The following GSK3B variants were observed in gnomAD, a reference collection of about 807,000 sequenced individuals.
The protein encoded by GSK3B is glycogen synthase kinase-3 beta.
In GSK3B, 15 loss-of-function variants were observed where a neutral mutation model predicts 56.4. That is an observed-to-expected ratio of 0.27 (90% confidence interval 0.18 to 0.41). The LOEUF (loss-of-function observed/expected upper bound fraction) is 0.41, where lower values mean the gene tolerates loss of function less well. Among genes scored for constraint, GSK3B ranks in the 10% least tolerant of loss-of-function variants. The pLI is 1.00. For synonymous variants in GSK3B, 181 were observed against 188.9 expected (o/e 0.96, Z 0.34); for missense variants, 300 against 513.4 (o/e 0.58, Z 4.02).
intron 7 of GSK3B, among the ~76,000 whole-genome samples, chr3:119,891,731 T>C (rs534217183): frequency 6.6e-6 from 1 of 152,274 alleles, no homozygotes; most frequent in East Asian, 1.9e-4. Context: ...ATGGAAATGC[T>C]TTATGCACTC....
At chr3:120,071,283 A>G (rs1007334112) in intron 1 of GSK3B, among the ~76,000 whole-genome samples, 8 of 152,208 alleles carry the variant, frequency 5.3e-5, no homozygotes, top group Admixed American at 2.0e-4. Context: ...TCTACTATCT[A>G]GTTCCCATCT....
intron 1 of GSK3B, among the ~76,000 whole-genome samples, chr3:120,023,166 C>T (rs1270945341): frequency 6.6e-6 from 1 of 150,906 alleles, no homozygotes; most frequent in South Asian, 2.1e-4. Context: ...CTTTTTTATA[C>T]CATACCTCTA....
chr3:120,004,934 A>G (rs2057712371), intron 1 of GSK3B, among the ~76,000 whole-genome samples: 1 of 152,172 alleles, frequency 6.6e-6, no homozygotes, highest in Admixed American at 6.5e-5. Context: ...GTTTGACAAG[A>G]TGACAGAAGT....
intron 7 of GSK3B, among the ~76,000 whole-genome samples, chr3:119,878,573 T>C (rs1210098214): frequency 1.3e-5 from 2 of 152,142 alleles, no homozygotes; most frequent in African/African-American, 2.4e-5. Context: ...GTTAAACATA[T>C]ACATATCATA....
intron 2 of GSK3B, among the ~76,000 whole-genome samples, chr3:119,969,279 A>T (rs2057345082): frequency 6.6e-6 from 1 of 151,380 alleles, no homozygotes; most frequent in Admixed American, 6.6e-5. Context: ...GTGACAAAGC[A>T]AGACTCCATC....
At chr3:119,927,004 G>A (rs966117578) in intron 3 of GSK3B, among the ~76,000 whole-genome samples, 2 of 152,016 alleles carry the variant, frequency 1.3e-5, no homozygotes, top group Non-Finnish European at 2.9e-5. Context: ...CGCTTCCTCT[G>A]ACTAGACAAG....
intron 4 of GSK3B, among the ~76,000 whole-genome samples, chr3:119,922,228 G>GGGAAGGAAGGAAGGAAGGAAGGAAGGAA (rs539984482): frequency 5.2e-4 from 32 of 61,464 alleles, no homozygotes; most frequent in South Asian, 1.3e-3. Flanking sequence ...GAAGGAAGGA[G>GGGAAGGAAGGAAGGAAGGAAGGAAGGAA]GGAAGGAAGG....
At position 120,094,176 on chromosome 3, in the gene GSK3B, T is replaced by G; in HGVS notation, c.-742A>C. 8.9e-6 allele frequency: 2 copies of G among 225,040 alleles called. No individual in the cohort carries two copies. The highest frequency in any genetic ancestry group is 1.8e-5 in the Non-Finnish European group (2 of 111,890). 13.9% of individuals were successfully genotyped at this position (225,040 alleles called of 1,614,324 possible). The stretch of plus-strand genomic sequence containing the variant: ...GCAGCGGCTCCTCGACTGTTCCCCA[T>G]TCGCCGGGGACATGGGAACCCGGCA... On this transcript the variant is annotated 5_prime_UTR_variant, in exon 1 of 11. The change abolishes an upstream ATG in the 5' untranslated region. Transcript: ENST00000264235.
intron 8 of GSK3B, among the ~76,000 whole-genome samples, chr3:119,863,846 C>T (rs2056141771): frequency 6.6e-6 from 1 of 152,128 alleles, no homozygotes; most frequent in Non-Finnish European, 1.5e-5. Flanking sequence ...TAATAACAAT[C>T]AGACATGCAT....
At chr3:119,887,564 A>T (rs1192015680) in intron 7 of GSK3B, among the ~76,000 whole-genome samples, 2 of 152,150 alleles carry the variant, frequency 1.3e-5, no homozygotes, top group Non-Finnish European at 1.5e-5. Flanking sequence ...CAATCACTGA[A>T]TTAAAAAAAT....
chr3:120,000,392 CT>C (rs2057664359), intron 2 of GSK3B, among the ~76,000 whole-genome samples: 1 of 152,110 alleles, frequency 6.6e-6, no homozygotes, highest in Non-Finnish European at 1.5e-5. Flanking sequence ...GAGACTAGTA[CT>C]TGGGGGAGAG....
intron 1 of GSK3B, among the ~76,000 whole-genome samples, chr3:120,027,487 T>C (rs1288692913): frequency 1.3e-5 from 2 of 151,502 alleles, no homozygotes; most frequent in African/African-American, 2.4e-5. Context: ...TGGAAGAAAA[T>C]AATTGATTTA....
At chr3:120,078,072 C>T (rs1017897845) in intron 1 of GSK3B, among the ~76,000 whole-genome samples, 2 of 151,972 alleles carry the variant, frequency 1.3e-5, no homozygotes, top group African/African-American at 2.4e-5. Context: ...TCTAAAATTC[C>T]GGCCATCATT....
intron 7 of GSK3B, among the ~76,000 whole-genome samples, chr3:119,882,145 T>C (rs920224869): frequency 4.0e-5 from 6 of 151,254 alleles, no homozygotes; most frequent in African/African-American, 7.3e-5. Context: ...ATGAAAGTTT[T>C]ACAATTCTTG....
At chr3:119,911,187 C>A (rs1016558001) in intron 6 of GSK3B, among the ~76,000 whole-genome samples, 1 of 152,162 alleles carries the variant, frequency 6.6e-6, no homozygotes, top group Non-Finnish European at 1.5e-5. Context: ...GCAGCTATAG[C>A]CTTACAAATG....
At chr3:120,042,531 AATT>A (rs2058071974) in intron 1 of GSK3B, among the ~76,000 whole-genome samples, 1 of 152,216 alleles carries the variant, frequency 6.6e-6, no homozygotes, top group Non-Finnish European at 1.5e-5. Context: ...AAAGTACCCA[AATT>A]AATCAGAGAT....
At chr3:119,865,456 ATATATATATATTTTTT>A (rs1369684806) in intron 8 of GSK3B, among the ~76,000 whole-genome samples, 9 of 20,736 alleles carry the variant, frequency 4.3e-4, no homozygotes, top group African/African-American at 7.0e-4. Flanking sequence ...ATATATATAT[ATATATATATATTTTTT>A]TTTTTTTTTT....
At chr3:119,897,807 A>G (rs909257429) in intron 7 of GSK3B, among the ~76,000 whole-genome samples, 3 of 151,312 alleles carry the variant, frequency 2.0e-5, no homozygotes, top group Non-Finnish European at 3.0e-5. Context: ...AAAAAAAAAA[A>G]AAAAGAAAAA....
intron 1 of GSK3B, among the ~76,000 whole-genome samples, chr3:120,078,914 T>TACACACACACACACACAC (rs57127586): frequency 7.2e-5 from 10 of 138,202 alleles, no homozygotes; most frequent in African/African-American, 1.4e-4. Flanking sequence ...GACAGGAAAT[T>TACACACACACACACACAC]ACACACACAC....
Sources: allele counts gnomAD v4.1 joint callset (sites outside exome capture counted in the v4.1 genomes callset), GRCh38; gene constraint gnomAD v4.1.1; transcripts MANE v1.5; gene names NCBI Gene and HGNC (gene_info 2026-07-23, HGNC 2026-07-21).